The following PTPRN2 variants were observed in gnomAD, a reference collection of about 807,000 sequenced individuals.
The protein encoded by PTPRN2 is protein tyrosine phosphatase receptor type N2.
PTPRN2 carries 74 observed loss-of-function variants against 118.8 expected under a neutral mutation model. That is an observed-to-expected ratio of 0.62 (90% CI 0.52 to 0.76). PTPRN2 has a LOEUF of 0.76. PTPRN2 is among the 30% of genes least tolerant of loss of function. The probability of loss-of-function intolerance (pLI) is 0.00; values close to 1 mark genes in which losing one functional copy is unlikely to be tolerated. For missense variants in PTPRN2, 1,481 were observed against 1,394.4 expected (o/e 1.06, Z -0.99); for synonymous variants, 641 against 608.0 (o/e 1.05, Z -0.80).
At chr7:158,446,927 G>A (rs192509850) in intron 2 of PTPRN2, among the ~76,000 whole-genome samples, 5 of 152,172 alleles carry the variant, frequency 3.3e-5, no homozygotes, top group East Asian at 1.9e-4. Context: ...ACGGCCTCAC[G>A]GCATCCGTCA....
intron 3 of PTPRN2, among the ~76,000 whole-genome samples, chr7:158,222,920 A>T (rs1024218830): frequency 1.8e-4 from 27 of 152,182 alleles, no homozygotes; most frequent in African/African-American, 5.8e-4. Context: ...AATCAGTAAA[A>T]TTGACAAATC....
chr7:158,155,574 T>G (rs202247503), intron 6 of PTPRN2, among the ~76,000 whole-genome samples: 9 of 2,268 alleles, frequency 4.0e-3, no homozygotes, highest in Admixed American at 0.013. Context: ...ATTGCCATCA[T>G]CACCATCACC....
chr7:158,344,677 G>T (rs949405110), intron 2 of PTPRN2, among the ~76,000 whole-genome samples: 2 of 152,072 alleles, frequency 1.3e-5, no homozygotes, highest in Non-Finnish European at 1.5e-5. Context: ...GTGAGGCTGT[G>T]TTGCTGGAGG....
rs1374513770 is a variant in PTPRN2 at position 157,598,904 on chromosome 7, G to A, written c.2419-3589C>T. Among the ~76,000 whole-genome samples, 13 of 152,272 alleles carry A rather than the reference G, an allele frequency of 8.5e-5. No homozygotes were observed. Among genetic ancestry groups the A allele is most frequent in the Middle Eastern group, 3.4e-3 (1 of 294 alleles). ...AGGGGCTTCTGCAGCAACACATCCC[G>A]CCTAGAGAGGCCGGTACCACAGAGA... On this transcript the variant is annotated intron_variant, in intron 16 of 22. Coordinates refer to ENST00000389418, the MANE Select transcript of PTPRN2 (RefSeq NM_002847.5). The surrounding 1 kb of genome is among the most constrained non-coding windows in gnomAD (Gnocchi z 5.2).
intron 13 of PTPRN2, among the ~76,000 whole-genome samples, chr7:157,658,963 G>C (rs1250296549): frequency 1.1e-4 from 16 of 151,848 alleles, no homozygotes; most frequent in Admixed American, 1.1e-3. Context: ...CAAGGCAATC[G>C]CCAAAGCTCA....
Position 157,786,009 on chromosome 7 carries a change from G to A in PTPRN2, c.1789-103072C>T, listed in dbSNP as rs1418728527. On this transcript the variant is annotated intron_variant, in intron 12 of 22. Transcript: ENST00000389418. ...TGCTGCTCCCAGGAGAGATGGTCCCGTGCAAGTGCCAGGCCCCTGCTGTTT... is the reference window on the plus strand; with the variant it reads ...TGCTGCTCCCAGGAGAGATGGTCCCATGCAAGTGCCAGGCCCCTGCTGTTT... Among the ~76,000 whole-genome samples, 4 of 152,156 alleles carry A rather than the reference G, an allele frequency of 2.6e-5. No homozygotes were observed. The East Asian group carries it at 5.8e-4, about 22-fold the overall frequency.
chr7:157,747,188 C>G (rs1287997548), intron 12 of PTPRN2, among the ~76,000 whole-genome samples: 536 of 53,424 alleles, frequency 0.01, 10 homozygotes, highest in African/African-American at 0.036. Context: ...GTGGGGTGTG[C>G]GGGTGATTCT....
chr7:157,874,570 G>T lies in PTPRN2; in HGVS notation c.1788+24103C>A, dbSNP rs113270843. The stretch of plus-strand genomic sequence containing the variant: ...GGGTCACCTGCACGGCCTCTCGTGA[G>T]TAGGGGGATTTCCTACTCGCTCCAC... On this transcript the variant is annotated intron_variant, in intron 12 of 22. Coordinates refer to ENST00000389418, the MANE Select transcript of PTPRN2 (RefSeq NM_002847.5). This position sits in a 1 kb window ranked among gnomAD's most constrained non-coding sequence, Gnocchi z 5.8. 7.7e-3 allele frequency among the ~76,000 whole-genome samples: 1,172 copies of T among 152,356 alleles called. 20 individuals carry two copies. The highest frequency in any genetic ancestry group is 0.026 in the African/African-American group (1,095 of 41,586).
chr7:157,577,664 C>T (rs1800129138), intron 18 of PTPRN2, among the ~76,000 whole-genome samples: 1 of 152,232 alleles, frequency 6.6e-6, no homozygotes. Context: ...CGGGACCACG[C>T]TGTGAGGCGA....
chr7:158,406,095 C>T (rs1422479049), intron 2 of PTPRN2, among the ~76,000 whole-genome samples: 15 of 67,844 alleles, frequency 2.2e-4, no homozygotes, highest in Admixed American at 1.1e-3. Flanking sequence ...CCATGAGACA[C>T]GTGGCCGCAC....
chr7:158,055,648 C>T (rs549523787), intron 11 of PTPRN2, among the ~76,000 whole-genome samples: 3 of 152,282 alleles, frequency 2.0e-5, no homozygotes, highest in African/African-American at 7.2e-5. Context: ...GAAATAATGG[C>T]GTAAGCTGTC....
At chr7:157,872,432 C>T (rs1477098298) in intron 12 of PTPRN2, among the ~76,000 whole-genome samples, 1 of 147,814 alleles carries the variant, frequency 6.8e-6, no homozygotes, top group African/African-American at 2.6e-5. Context: ...CCCACACACA[C>T]ATACCCAGTG....
intron 11 of PTPRN2, among the ~76,000 whole-genome samples, chr7:157,932,329 CAT>C (rs993003603): frequency 7.2e-5 from 11 of 152,238 alleles, no homozygotes; most frequent in African/African-American, 2.7e-4. Context: ...TAAATGCCCA[CAT>C]GAGGCCCTGC....
At chr7:158,337,341 A>G (rs1277287683) in intron 2 of PTPRN2, among the ~76,000 whole-genome samples, 3 of 148,326 alleles carry the variant, frequency 2.0e-5, no homozygotes, top group Non-Finnish European at 4.5e-5. Context: ...TCACCCTAAG[A>G]GGTGACACCT....
chr7:158,091,774 T>C (rs111438164), intron 10 of PTPRN2, among the ~76,000 whole-genome samples: 1 of 110,366 alleles, frequency 9.1e-6, no homozygotes, highest in Non-Finnish European at 1.9e-5. Context: ...AGAGAGATGG[T>C]TGGGTGGGTG....
intron 2 of PTPRN2, among the ~76,000 whole-genome samples, chr7:158,363,241 G>A (rs983235570): frequency 2.0e-5 from 3 of 151,960 alleles, no homozygotes; most frequent in South Asian, 4.1e-4. Context: ...GGGAGGCCAC[G>A]AGAGGCTACA....
In PTPRN2 at chr7:157,902,148, T is replaced by C. The variant is rs570017660; in HGVS notation, c.1724-3411A>G. Among the ~76,000 whole-genome samples, 8 of 152,372 alleles carry C rather than the reference T, an allele frequency of 5.3e-5. No individual in the cohort carries two copies. In the East Asian group the frequency reaches 1.2e-3, roughly 22 times the overall value. On this transcript the variant is annotated intron_variant, in intron 11 of 22. Coordinates refer to ENST00000389418, the MANE Select transcript of PTPRN2 (RefSeq NM_002847.5). ...ATCCTTGGAGGCCTTGGGGAGGGAA[T>C]GAGTCCTTGTTTGTACTTAAGCACT...
chr7:158,269,128 C>T (rs1055825236), intron 3 of PTPRN2, among the ~76,000 whole-genome samples: 2 of 152,192 alleles, frequency 1.3e-5, no homozygotes, highest in Non-Finnish European at 2.9e-5. Context: ...CTGTTGCCTC[C>T]GGTCACCCCC....
chr7:158,151,944 C>T (rs1003310815), intron 6 of PTPRN2, among the ~76,000 whole-genome samples: 9 of 152,166 alleles, frequency 5.9e-5, no homozygotes, highest in Admixed American at 6.5e-5. Flanking sequence ...GAGGCCGAGG[C>T]GGGTGGATCA....
Sources: gnomAD v4.1 joint callset for allele counts (sites outside exome capture counted in the v4.1 genomes callset) on GRCh38, gnomAD v4.1.1 for gene constraint, Gnocchi (gnomAD v3.1) non-coding constraint, MANE v1.5 for transcripts, NCBI Gene and HGNC (gene_info 2026-07-23, HGNC 2026-07-21) for gene names.